HTR4: variants seen among roughly 807,000 people sequenced by gnomAD.
HTR4 encodes the protein 5-hydroxytryptamine receptor 4.
Under a neutral mutation model 36.8 loss-of-function variants are expected in HTR4, and 16 were observed. That is an observed-to-expected ratio of 0.43 (90% CI 0.29 to 0.66). The LOEUF (loss-of-function observed/expected upper bound fraction) is 0.66, where lower values mean the gene tolerates loss of function less well. HTR4 is among the 30% of genes least tolerant of loss of function. The probability of loss-of-function intolerance (pLI) is 0.13; values close to 1 mark genes in which losing one functional copy is unlikely to be tolerated. For missense variants in HTR4, 438 were observed against 490.9 expected (o/e 0.89, Z 1.02); for synonymous variants, 189 against 185.1 (o/e 1.02, Z -0.17).
chr5:148,509,920 T>C lies in HTR4; in HGVS notation c.612A>G (p.Pro204=). Residue 204 remains proline, a synonymous_variant, in exon 6 of 7, where the codon CCA becomes CCG. Transcript: ENST00000377888. ...ITCSVVAFYI[P]FLLMVLAYYR... Reference sequence around the variant, plus strand: ...AATAGGCCAGCACCATGAGGAGAAATGGGATGTAGAAGGCCACCACAGAGC... The same window carrying C: ...AATAGGCCAGCACCATGAGGAGAAACGGGATGTAGAAGGCCACCACAGAGC... 1 of 1,613,658 alleles carries C rather than the reference T, an allele frequency of 6.2e-7. No homozygotes were observed. Among genetic ancestry groups the C allele is most frequent in the East Asian group, 2.2e-5 (1 of 44,824 alleles).
At chr5:148,480,467 C>A (rs554148320), downstream of HTR4, among the ~76,000 whole-genome samples, 8 of 152,288 alleles carry the variant, frequency 5.3e-5, no homozygotes, top group Non-Finnish European at 1.0e-4. Flanking sequence ...CAGCCTCTGC[C>A]TCATGGATTT....
At chr5:148,536,484 C>T (rs1758830659) in intron 4 of HTR4, among the ~76,000 whole-genome samples, 1 of 151,780 alleles carries the variant, frequency 6.6e-6, no homozygotes, top group Non-Finnish European at 1.5e-5. Flanking sequence ...GGTATGCTGT[C>T]TTAAAGACAC....
chr5:148,597,496 A>G (rs1761824285), intron 2 of HTR4, among the ~76,000 whole-genome samples: 2 of 152,220 alleles, frequency 1.3e-5, no homozygotes, highest in East Asian at 1.9e-4. Context: ...TGCCTGTCTC[A>G]TTCTTCTTCT....
intron 5 of HTR4, among the ~76,000 whole-genome samples, chr5:148,470,546 T>C (rs755397650): frequency 1.4e-4 from 22 of 152,252 alleles, no homozygotes; most frequent in Non-Finnish European, 2.6e-4. Context: ...TTGCTTTCCT[T>C]GTTTTCCTGT....
At chr5:148,504,271 G>T (rs1258806324) in intron 6 of HTR4, among the ~76,000 whole-genome samples, 1 of 152,090 alleles carries the variant, frequency 6.6e-6, no homozygotes, top group African/African-American at 2.4e-5. Context: ...AAACGTAAAA[G>T]AAAGAAATTA....
chr5:148,474,278 C>T (rs924349612), downstream of HTR4, among the ~76,000 whole-genome samples: 39 of 151,656 alleles, frequency 2.6e-4, no homozygotes, highest in Non-Finnish European at 5.1e-4. Context: ...CGGCAAGTTA[C>T]TGAGAATGAT....
intron 2 of HTR4, among the ~76,000 whole-genome samples, chr5:148,552,343 A>G (rs892411730): frequency 6.6e-6 from 1 of 152,222 alleles, no homozygotes; most frequent in Non-Finnish European, 1.5e-5. Flanking sequence ...CAAATATCAG[A>G]TAGGGAAGAT....
In HTR4 at chr5:148,654,417, C is replaced by G. The variant is rs757574434; in HGVS notation, c.-403G>C. 9 of 985,388 alleles carry G rather than the reference C, an allele frequency of 9.1e-6. No homozygotes were observed. Among genetic ancestry groups the G allele is most frequent in the Non-Finnish European group, 1.1e-5 (9 of 830,002 alleles). The allele number at this position is 985,388 out of a possible 1,614,324, so 61.0% of individuals were successfully genotyped here. ...TGGGCGCCAGGGACAGCGGGGGTGC[C>G]GCTCTGCCGGCAGGGCGCACAGGGG... On this transcript the variant is annotated 5_prime_UTR_variant, in exon 1 of 7. Coordinates refer to ENST00000377888, the MANE Select transcript of HTR4 (RefSeq NM_000870.7).
At chr5:148,545,193 C>A (rs890032179) in intron 4 of HTR4, among the ~76,000 whole-genome samples, 1 of 152,230 alleles carries the variant, frequency 6.6e-6, no homozygotes, top group South Asian at 2.1e-4. Flanking sequence ...GCAAGATCCC[C>A]AAGCTCCCCA....
intron 4 of HTR4, among the ~76,000 whole-genome samples, chr5:148,527,994 C>T (rs546057446): frequency 3.3e-5 from 5 of 152,248 alleles, no homozygotes; most frequent in East Asian, 1.9e-4. Context: ...AAGCCCAACT[C>T]GAAGGGTGCT....
intron 5 of HTR4, among the ~76,000 whole-genome samples, chr5:148,457,242 G>T (rs571552744): frequency 1.4e-4 from 21 of 152,284 alleles, no homozygotes; most frequent in African/African-American, 5.1e-4. Context: ...GACAACTCTA[G>T]ATGAGTGGGT....
chr5:148,590,048 C>T (rs997930398), intron 2 of HTR4, among the ~76,000 whole-genome samples: 1 of 152,084 alleles, frequency 6.6e-6, no homozygotes, highest in African/African-American at 2.4e-5. Context: ...CTCTCTGCTT[C>T]TATGAGTTTA....
At position 148,509,546 on chromosome 5, in the gene HTR4, C is replaced by T; in HGVS notation, c.986G>A (p.Cys329Tyr). 3 of 1,613,796 alleles carry T rather than the reference C, an allele frequency of 1.9e-6. No homozygotes were observed. The highest frequency in any genetic ancestry group is 1.7e-6 in the Non-Finnish European group (2 of 1,179,750). The change falls in exon 6 of 7, where the codon TGT becomes TAT. Residue 329 changes from cysteine to tyrosine, a missense_variant. By Grantham distance (194) the Cys-to-Tyr change is radical (BLOSUM62 -2). Coordinates refer to ENST00000377888, the MANE Select transcript of HTR4 (RefSeq NM_000870.7). ...AGGTCTTCGGTAGCGCTCATCATCA[C>T]AGCAGAGGATGATGAGGAAGGCACG... is the stretch of plus-strand genomic sequence containing the variant. ...FRRAFLIILC[C>Y]DDERYRRPSI...
chr5:148,509,695 A>G lies in HTR4; in HGVS notation c.837T>C (p.Asn279=), dbSNP rs1198331709. The part of the protein sequence containing the change: ...CLCWAPFFVT[N]IVDPFIDYTV... The stretch of plus-strand genomic sequence containing the variant: ...TGTAGTCTATGAAAGGATCCACAAT[A>G]TTGGTGACAAAGAATGGTGCCCAGC... The change falls in exon 6 of 7, where the codon AAT becomes AAC. Residue 279 remains asparagine, a synonymous_variant. Coordinates refer to ENST00000377888, the MANE Select transcript of HTR4 (RefSeq NM_000870.7). The G allele has an allele frequency of 1.2e-6, 2 of 1,614,132 alleles. No individual in the cohort carries two copies. Among genetic ancestry groups the G allele is most frequent in the Non-Finnish European group, 8.5e-7 (1 of 1,179,994 alleles).
intron 6 of HTR4, among the ~76,000 whole-genome samples, chr5:148,491,118 T>TGGA (rs748868777): frequency 6.6e-6 from 1 of 152,168 alleles, no homozygotes; most frequent in Non-Finnish European, 1.5e-5. Context: ...CAGTGTGCTT[T>TGGA]GGAGGAGATT....
At chr5:148,576,114 A>AAAAAAAAAAAAAAC in intron 2 of HTR4, among the ~76,000 whole-genome samples, 1 of 134,174 alleles carries the variant, frequency 7.5e-6, no homozygotes, top group Admixed American at 7.5e-5. Context: ...CCGTCTCAAA[A>AAAAAAAAAAAAAAC]AAAAAAAAAA....
intron 6 of HTR4, 100 bp downstream of exon 6, chr5:148,509,356 A>G: frequency 2.4e-6 from 2 of 821,110 alleles, no homozygotes; most frequent in Non-Finnish European, 1.9e-6. Flanking sequence ...AACTCTATGC[A>G]GGTTTCAGGG....
chr5:148,530,540 A>G (rs1173939268), intron 4 of HTR4, among the ~76,000 whole-genome samples: 1 of 152,210 alleles, frequency 6.6e-6, no homozygotes, highest in African/African-American at 2.4e-5. Flanking sequence ...GATGTATGGA[A>G]ATGCCTGGAT....
intron 5 of HTR4, among the ~76,000 whole-genome samples, chr5:148,521,611 A>C (rs1318259442): frequency 6.6e-6 from 1 of 151,900 alleles, no homozygotes; most frequent in Non-Finnish European, 1.5e-5. Flanking sequence ...AATCACATGA[A>C]CCAATTCCTT....
Sources: gnomAD v4.1 joint callset for allele counts (sites outside exome capture counted in the v4.1 genomes callset) on GRCh38, gnomAD v4.1.1 for gene constraint, MANE v1.5 for transcripts, NCBI Gene and HGNC (gene_info 2026-07-23, HGNC 2026-07-21) for gene names.